FREM2: variants seen among roughly 807,000 people sequenced by gnomAD.
FREM2 encodes the protein FRAS1-related extracellular matrix protein 2.
A neutral mutation model predicts 219.9 loss-of-function variants in FREM2; 119 were observed. That is an observed-to-expected ratio of 0.54 (90% CI 0.47 to 0.63). The LOEUF is 0.63. FREM2 is among the 30% of genes least tolerant of loss of function. FREM2 has a pLI of 0.00. For synonymous variants in FREM2, 1,562 were observed against 1,522.8 expected (o/e 1.03, Z -0.60); for missense variants, 4,030 against 3,993.6 (o/e 1.01, Z -0.25).
rs1878692304 is a variant in FREM2, at chr13:38,885,368, CTA to C, written c.*4583_*4584del. 2 of 152,132 alleles carry C rather than the reference CTA, an allele frequency of 1.3e-5. No homozygotes were observed. The highest frequency in any genetic ancestry group is 4.8e-5 in the African/African-American group (2 of 41,450). The allele number at this position is 152,132 out of a possible 1,614,324, so 9.4% of individuals were successfully genotyped here. On this transcript the variant is annotated 3_prime_UTR_variant, in exon 24 of 24. Coordinates refer to ENST00000280481, the MANE Select transcript of FREM2 (RefSeq NM_207361.6). The stretch of plus-strand genomic sequence containing the variant: ...CTTAGACACTCAGTATCTTTCTTCC[CTA>C]TCTTTCAAGCACATTTAATTTCTTT...
chr13:38,853,472 C>T (rs1240805629), intron 11 of FREM2, among the ~76,000 whole-genome samples: 1 of 152,184 alleles, frequency 6.6e-6, no homozygotes, highest in Non-Finnish European at 1.5e-5. Flanking sequence ...TTTCCTACCT[C>T]TCACTATCAA....
intron 1 of FREM2, among the ~76,000 whole-genome samples, chr13:38,696,288 C>T (rs187941030): frequency 1.3e-5 from 2 of 152,284 alleles, no homozygotes; most frequent in African/African-American, 4.8e-5. Context: ...CCTTTCAAAA[C>T]TTTATGAGCC....
chr13:38,805,228 C>A (rs9603433), intron 6 of FREM2, among the ~76,000 whole-genome samples: 8,312 of 150,160 alleles, frequency 0.055, 763 homozygotes, highest in African/African-American at 0.19. Flanking sequence ...TAGCAGTGTA[C>A]GTGAAAAGAA....
chr13:38,720,018 C>G (rs999150524), intron 2 of FREM2, among the ~76,000 whole-genome samples: 1 of 152,042 alleles, frequency 6.6e-6, no homozygotes, highest in Non-Finnish European at 1.5e-5. Context: ...GGTTTACCAA[C>G]AACATATTAA....
At chr13:38,848,721 T>C (rs905242374) in intron 8 of FREM2, 51 bp downstream of exon 8, 4 of 1,426,340 alleles carry the variant, frequency 2.8e-6, no homozygotes, top group Middle Eastern at 4.6e-4. Context: ...AATCATAAGC[T>C]AAGGTTTATG....
intron 18 of FREM2, among the ~76,000 whole-genome samples, chr13:38,875,700 T>A (rs528974389): frequency 1.3e-5 from 2 of 152,288 alleles, no homozygotes; most frequent in East Asian, 3.9e-4. Context: ...CTGCTGTGAC[T>A]CCCCAGAAAG....
chr13:38,692,602 T>TA, intron 1 of FREM2, 85 bp downstream of exon 1: 1 of 1,476,014 alleles, frequency 6.8e-7, no homozygotes, highest in Non-Finnish European at 9.4e-7. Context: ...AGCATTAAAT[T>TA]AGAGTCCAAG....
At position 38,688,679 on chromosome 13, in the gene FREM2, C is replaced by T. The variant is rs1355588786; in HGVS notation, c.1335C>T (p.Thr445=). 6.2e-6 allele frequency: 10 copies of T among 1,613,870 alleles called. 1 individual carries two copies. The East Asian group carries it at 6.7e-5, about 11-fold the overall frequency. The change falls in exon 1 of 24, where the codon ACC becomes ACT. Residue 445 remains threonine (T), a synonymous_variant. Coordinates refer to ENST00000280481, the MANE Select transcript of FREM2 (RefSeq NM_207361.6). The part of the protein sequence containing the change: ...NTMAPVVTRN[T]GLILYEGQSR... ...TGGCTCCGGTGGTCACCCGGAATAC[C>T]GGTCTTATTCTCTATGAGGGTCAGT... is the stretch of plus-strand genomic sequence containing the variant.
chr13:38,723,296 G>C (rs896791332), intron 2 of FREM2, among the ~76,000 whole-genome samples: 1 of 152,008 alleles, frequency 6.6e-6, no homozygotes, highest in Non-Finnish European at 1.5e-5. Flanking sequence ...GTGGGAATGT[G>C]TCTATGTCAA....
intron 2 of FREM2, among the ~76,000 whole-genome samples, chr13:38,715,297 A>T (rs934099857): frequency 1.3e-5 from 2 of 152,224 alleles, no homozygotes; most frequent in African/African-American, 4.8e-5. Context: ...TCATTTAAAT[A>T]GTGACGTACC....
intron 6 of FREM2, among the ~76,000 whole-genome samples, chr13:38,791,980 T>C (rs541762866): frequency 6.6e-6 from 1 of 152,306 alleles, no homozygotes; most frequent in Non-Finnish European, 1.5e-5. Context: ...AAGTCCTTAT[T>C]GTTTGTCATT....
chr13:38,843,440 CAA>C (rs35771970), intron 6 of FREM2, among the ~76,000 whole-genome samples: 8 of 140,310 alleles, frequency 5.7e-5, no homozygotes, highest in African/African-American at 1.0e-4. Context: ...GTTTCTAGGC[CAA>C]AAAAAAAAAA....
intron 2 of FREM2, among the ~76,000 whole-genome samples, chr13:38,737,096 A>G (rs1268923910): frequency 6.6e-6 from 1 of 152,092 alleles, no homozygotes; most frequent in Non-Finnish European, 1.5e-5. Flanking sequence ...GAATCCTGTG[A>G]GTGTATCATG....
chr13:38,778,737 C>T (rs991942515), intron 4 of FREM2, among the ~76,000 whole-genome samples: 4 of 152,028 alleles, frequency 2.6e-5, no homozygotes, highest in Non-Finnish European at 5.9e-5. Flanking sequence ...GTGCAGCAAG[C>T]CATCGTGGCA....
rs1555270912 is a variant in FREM2 at position 38,837,775 on chromosome 13, G to GTTTTTTT, written c.6020-8794_6020-8793insTTTTTTT. 1.6e-3 allele frequency among the ~76,000 whole-genome samples: 205 copies of GTTTTTTT among 128,690 alleles called. 12 individuals are homozygous for GTTTTTTT. The highest frequency in any genetic ancestry group is 7.5e-3 in the South Asian group (29 of 3,886). The allele number at this position is 128,690 out of a possible 152,430, so 84.4% of individuals were successfully genotyped here. On this transcript the variant is annotated intron_variant, in intron 6 of 23. Coordinates refer to ENST00000280481, the MANE Select transcript of FREM2 (RefSeq NM_207361.6). The stretch of plus-strand genomic sequence containing the variant: ...GGATTGCAACCCCTGGTTTTTTTTT[G>GTTTTTTT]TTTTGTTTTGTTTTGTTTTTGCTTT...
intron 16 of FREM2, among the ~76,000 whole-genome samples, chr13:38,872,462 T>C (rs200164056): frequency 4.3e-5 from 6 of 137,960 alleles, no homozygotes; most frequent in African/African-American, 1.7e-4. Context: ...ATAAAACTGC[T>C]CTAAAGAGGA....
rs201865313 is a variant in FREM2 at position 38,691,081 on chromosome 13, C to T, written c.3737C>T (p.Thr1246Met). The T allele has an allele frequency of 1.8e-5, 29 of 1,613,908 alleles. No homozygotes were observed. The highest frequency in any genetic ancestry group is 1.6e-4 in the Middle Eastern group (1 of 6,082). Residue 1246 changes from threonine to methionine, a missense_variant, in exon 1 of 24, where the codon ACG becomes ATG. Physicochemically the swap from Thr to Met is moderately conservative, Grantham distance 81 (BLOSUM62 -1). Around this residue, in one of 2 missense-constraint regions of FREM2, gnomAD observed 3,102 missense variants for 2,950.7 expected, o/e 1.05. Transcript: ENST00000280481. ...GHIMNQLING[T>M]VLVESFTLDQ... ...ATCATGAATCAGCTGATAAATGGCA[C>T]GGTTTTGGTCGAAAGCTTCACCTTG...
intron 2 of FREM2, among the ~76,000 whole-genome samples, chr13:38,711,782 T>C (rs1593358437): frequency 6.6e-6 from 1 of 152,272 alleles, no homozygotes; most frequent in East Asian, 1.9e-4. Flanking sequence ...GAATCGAGTT[T>C]ATGTAAATTT....
Position 38,691,931 on chromosome 13 carries a change from G to A in FREM2, c.4587G>A (p.Val1529=), listed in dbSNP as rs114438795. Reference sequence around the variant, plus strand: ...CATTCCGTATCTCCATTAGCGATGTGGACAATAAAAAGCCAGTGGTCACCA... The same window carrying A: ...CATTCCGTATCTCCATTAGCGATGTAGACAATAAAAAGCCAGTGGTCACCA... The part of the protein sequence containing the change: ...FRTFRISISD[V]DNKKPVVTIH... Residue 1529 remains valine, a synonymous_variant, in exon 1 of 24, where the codon GTG becomes GTA. Transcript: ENST00000280481. The A allele has an allele frequency of 5.6e-6, 9 of 1,614,128 alleles. No homozygotes were observed. In the East Asian group the frequency reaches 1.6e-4, roughly 28 times the overall value.
Sources: gnomAD v4.1 joint callset for allele counts (sites outside exome capture counted in the v4.1 genomes callset) on GRCh38, gnomAD v4.1.1 for gene constraint, gnomAD v4.1.1 regional missense constraint, MANE v1.5 for transcripts, NCBI Gene and HGNC (gene_info 2026-07-23, HGNC 2026-07-21) for gene names.